ST3GAL4: variants seen among roughly 807,000 people sequenced by gnomAD.
ST3GAL4 encodes the protein ST3 beta-galactoside alpha-2,3-sialyltransferase 4.
A neutral mutation model predicts 42.6 loss-of-function variants in ST3GAL4; 24 were observed. That is an observed-to-expected ratio of 0.56 (90% CI 0.41 to 0.79). ST3GAL4 has a LOEUF of 0.79. ST3GAL4 is among the 30% of genes least tolerant of loss of function. The probability of loss-of-function intolerance (pLI) is 0.00; values close to 1 mark genes in which losing one functional copy is unlikely to be tolerated. For missense variants in ST3GAL4, 311 were observed against 430.8 expected (o/e 0.72, Z 2.46); for synonymous variants, 135 against 163.2 (o/e 0.83, Z 1.32).
intron 1 of ST3GAL4, among the ~76,000 whole-genome samples, chr11:126,404,385 A>G (rs557141169): frequency 4.3e-4 from 66 of 152,186 alleles, no homozygotes; most frequent in Non-Finnish European, 7.2e-4. Flanking sequence ...GATGTACTCT[A>G]CTGTGTGCCA....
chr11:126,407,682 G>A, intron 6 of ST3GAL4, 48 bp downstream of exon 6: 1 of 1,591,646 alleles, frequency 6.3e-7, no homozygotes. Flanking sequence ...CCTATTTCCT[G>A]CCCCCTGCCC....
At chr11:126,358,988 G>C (rs1952162307) in intron 1 of ST3GAL4, among the ~76,000 whole-genome samples, 1 of 152,200 alleles carries the variant, frequency 6.6e-6, no homozygotes, top group South Asian at 2.1e-4. Context: ...CAGAAGCCCA[G>C]AAGCACCTGA....
chr11:126,379,061 C>T lies in ST3GAL4; in HGVS notation c.-61+23219C>T, dbSNP rs919074621. Among the ~76,000 whole-genome samples the T allele has an allele frequency of 5.3e-5, 8 of 152,230 alleles. No homozygotes were observed. The highest frequency in any genetic ancestry group is 1.7e-4 in the African/African-American group (7 of 41,466). Reference sequence around the variant, plus strand: ...CCTCTGTTGCTTCTTCCAAGAGCTACACTGGTTGATCATAAATATCAGCCA... The same window carrying T: ...CCTCTGTTGCTTCTTCCAAGAGCTATACTGGTTGATCATAAATATCAGCCA... On this transcript the variant is annotated intron_variant, in intron 1 of 10. Coordinates refer to ENST00000444328, the MANE Select transcript of ST3GAL4 (RefSeq NM_001254757.2). This position sits in a 1 kb window ranked among gnomAD's most constrained non-coding sequence, Gnocchi z 4.2.
chr11:126,370,548 C>T (rs1187526374), intron 1 of ST3GAL4, among the ~76,000 whole-genome samples: 1 of 152,154 alleles, frequency 6.6e-6, no homozygotes, highest in Non-Finnish European at 1.5e-5. Context: ...TGCAAATGCA[C>T]TTCTTAGTTT....
rs1253769158 is a variant in ST3GAL4, at chr11:126,410,825, A to G, written c.771+1414A>G. Among the ~76,000 whole-genome samples the G allele has an allele frequency of 6.6e-6, 1 of 152,166 alleles. No individual in the cohort carries two copies. The highest frequency in any genetic ancestry group is 2.4e-5 in the African/African-American group (1 of 41,450). Reference sequence around the variant, plus strand: ...ATTCCACAATGGAGAGTTGTTCCCAATGCCGTGGAATCTCAGAGGAGGGGC... The same window carrying G: ...ATTCCACAATGGAGAGTTGTTCCCAGTGCCGTGGAATCTCAGAGGAGGGGC... On this transcript the variant is annotated intron_variant, in intron 9 of 10. Coordinates refer to ENST00000444328, the MANE Select transcript of ST3GAL4 (RefSeq NM_001254757.2). The surrounding 1 kb of genome is among the most constrained non-coding windows in gnomAD (Gnocchi z 5.3).
chr11:126,412,222 C>T (rs1231888988), intron 9 of ST3GAL4, among the ~76,000 whole-genome samples: 1 of 152,084 alleles, frequency 6.6e-6, no homozygotes, highest in Non-Finnish European at 1.5e-5. Context: ...AAGTGTGGCT[C>T]AGCCCAGCTG....
At chr11:126,369,429 G>A (rs1395133440) in intron 1 of ST3GAL4, among the ~76,000 whole-genome samples, 1 of 152,140 alleles carries the variant, frequency 6.6e-6, no homozygotes, top group Non-Finnish European at 1.5e-5. Context: ...TGTATTTTTA[G>A]TAAAGATAGG....
chr11:126,402,451 GAAAAAAAAAAA>G (rs575036017), intron 1 of ST3GAL4, among the ~76,000 whole-genome samples: 2 of 100,990 alleles, frequency 2.0e-5, no homozygotes, highest in Admixed American at 2.2e-4. Flanking sequence ...AAGACTGTCT[GAAAAAAAAAAA>G]AAAAAAAGAA....
chr11:126,406,975 C>T lies in ST3GAL4; in HGVS notation c.134C>T (p.Pro45Leu), dbSNP rs144143100. ...TTTCCCATCCCAGAGAAGAAGGAGCCGTGCCTCCAGGGTGAGGCAGAGAGC... is the reference window on the plus strand; with the variant it reads ...TTTCCCATCCCAGAGAAGAAGGAGCTGTGCCTCCAGGGTGAGGCAGAGAGC... ...FYFPIPEKKE[P>L]CLQGEAESKA... The change falls in exon 4 of 11, where the codon CCG becomes CTG. Residue 45 changes from proline to leucine, a missense_variant. Transcript: ENST00000444328. This position sits in a 1 kb window ranked among gnomAD's most constrained non-coding sequence, Gnocchi z 5.4. 6.2e-4 allele frequency: 1,003 copies of T among 1,613,912 alleles called. 1 individual carries two copies. Among genetic ancestry groups the T allele is most frequent in the Non-Finnish European group, 7.7e-4 (913 of 1,180,006 alleles).
chr11:126,365,973 C>A (rs1952410141), intron 1 of ST3GAL4, among the ~76,000 whole-genome samples: 1 of 152,174 alleles, frequency 6.6e-6, no homozygotes, highest in African/African-American at 2.4e-5. Context: ...CTGTGGGGCT[C>A]ATAGGCGTGG....
rs779296843 is a variant in ST3GAL4 at position 126,408,157 on chromosome 11, C to A, written c.400C>A (p.Leu134Met). Reference sequence around the variant, plus strand: ...CGGGCACCGGCTGCGGAACAGCTCACTGGGAGATGCCATCAACAAGTACGA... The same window carrying A: ...CGGGCACCGGCTGCGGAACAGCTCAATGGGAGATGCCATCAACAAGTACGA... ...GNGHRLRNSS[L>M]GDAINKYDVV... Residue 134 changes from leucine to methionine, a missense_variant, in exon 7 of 11, where the codon CTG becomes ATG. Coordinates refer to ENST00000444328, the MANE Select transcript of ST3GAL4 (RefSeq NM_001254757.2). 1.2e-6 allele frequency: 2 copies of A among 1,614,188 alleles called. No individual in the cohort carries two copies. The highest frequency in any genetic ancestry group is 3.3e-5 in the Admixed American group (2 of 60,020).
In ST3GAL4 at chr11:126,391,957, GTGTGTGTGTGTGTGTA is replaced by G. The variant is rs1008523618; in HGVS notation, c.-60-14129_-60-14114del. Among the ~76,000 whole-genome samples, 16 of 139,352 alleles carry G rather than the reference GTGTGTGTGTGTGTGTA, an allele frequency of 1.1e-4. No individual in the cohort carries two copies. The highest frequency in any genetic ancestry group is 3.1e-4 in the African/African-American group (11 of 35,764). 91.4% of individuals were successfully genotyped at this position (139,352 alleles called of 152,430 possible). The stretch of plus-strand genomic sequence containing the variant: ...TGGTCGTGTGTGTGTGTGTGTGTGT[GTGTGTGTGTGTGTGTA>G]TGTGTGTGTATGTGTATATATAAAA... On this transcript the variant is annotated intron_variant, in intron 1 of 10. Coordinates refer to ENST00000444328, the MANE Select transcript of ST3GAL4 (RefSeq NM_001254757.2). This position sits in a 1 kb window ranked among gnomAD's most constrained non-coding sequence, Gnocchi z 5.5.
intron 1 of ST3GAL4, among the ~76,000 whole-genome samples, chr11:126,367,084 C>T (rs150213802): frequency 6.6e-4 from 100 of 152,214 alleles, no homozygotes; most frequent in African/African-American, 2.3e-3. Context: ...GATGGAGCAC[C>T]GCTCATGACA....
chr11:126,371,918 A>G lies in ST3GAL4; in HGVS notation c.-61+16076A>G, dbSNP rs557861508. On this transcript the variant is annotated intron_variant, in intron 1 of 10. Coordinates refer to ENST00000444328, the MANE Select transcript of ST3GAL4 (RefSeq NM_001254757.2). ...TGTGTGAGAAACTATATTTGGTTTT[A>G]ATCTGTATTCCCTGGTTACTAGTGA... Among the ~76,000 whole-genome samples the G allele has an allele frequency of 2.7e-4, 41 of 152,302 alleles. No individual in the cohort carries two copies. In the South Asian group the frequency reaches 6.2e-3, roughly 23 times the overall value.
In ST3GAL4 at chr11:126,384,916, G is replaced by A. The variant is rs1953163468; in HGVS notation, c.-60-21180G>A. On this transcript the variant is annotated intron_variant, in intron 1 of 10. Coordinates refer to ENST00000444328, the MANE Select transcript of ST3GAL4 (RefSeq NM_001254757.2). This position sits in a 1 kb window ranked among gnomAD's most constrained non-coding sequence, Gnocchi z 5.5. ...CCTCTCTTTGCTGGGCTGGGACAGA[G>A]CTTGAATGGAGAGGGGCCGCCTTGT... The A allele has an allele frequency of 3.0e-6, 3 of 985,384 alleles. No homozygotes were observed. The highest frequency in any genetic ancestry group is 3.6e-6 in the Non-Finnish European group (3 of 829,910). The allele number at this position is 985,384 out of a possible 1,614,324, so 61.0% of individuals were successfully genotyped here. A position where few individuals can be genotyped will look rare whatever the true frequency, so the allele number is the denominator to read the frequency against.
chr11:126,386,970 G>T lies in ST3GAL4; in HGVS notation c.-60-19126G>T, dbSNP rs917511899. On this transcript the variant is annotated intron_variant, in intron 1 of 10. Transcript: ENST00000444328. The surrounding 1 kb of genome is among the most constrained non-coding windows in gnomAD (Gnocchi z 4.7). Reference sequence around the variant, plus strand: ...TTTGGCAAGTAGGAGGAGGGCTGGAGCCCAGCCTCACTTGCTGCCCTGGCC... The same window carrying T: ...TTTGGCAAGTAGGAGGAGGGCTGGATCCCAGCCTCACTTGCTGCCCTGGCC... Among the ~76,000 whole-genome samples, 5 of 152,180 alleles carry T rather than the reference G, an allele frequency of 3.3e-5. No homozygotes were observed. Among genetic ancestry groups the T allele is most frequent in the African/African-American group, 1.2e-4 (5 of 41,450 alleles).
At chr11:126,405,096 C>T (rs1954166468) in intron 1 of ST3GAL4, among the ~76,000 whole-genome samples, 1 of 152,222 alleles carries the variant, frequency 6.6e-6, no homozygotes, top group Admixed American at 6.5e-5. Context: ...GGTCTGGTCT[C>T]CAGGGAAGGG....
chr11:126,363,297 C>G lies in ST3GAL4; in HGVS notation c.-61+7455C>G, dbSNP rs977945971. On this transcript the variant is annotated intron_variant, in intron 1 of 10. Coordinates refer to ENST00000444328, the MANE Select transcript of ST3GAL4 (RefSeq NM_001254757.2). The surrounding 1 kb of genome is among the most constrained non-coding windows in gnomAD (Gnocchi z 4.6). The stretch of plus-strand genomic sequence containing the variant: ...TTTCTCACCATCTTCAGTGATCCCT[C>G]CTCCTTCCTTTCTGCCTCCTCTGCA... Among the ~76,000 whole-genome samples, 4 of 152,226 alleles carry G rather than the reference C, an allele frequency of 2.6e-5. No homozygotes were observed. The highest frequency in any genetic ancestry group is 4.8e-5 in the African/African-American group (2 of 41,452).
intron 1 of ST3GAL4, among the ~76,000 whole-genome samples, chr11:126,369,711 C>G (rs1335256530): frequency 6.6e-6 from 1 of 151,984 alleles, no homozygotes; most frequent in East Asian, 1.9e-4. Flanking sequence ...TTATTTTAAT[C>G]AAATTATTAC....
Sources: gnomAD v4.1 joint callset for allele counts (sites outside exome capture counted in the v4.1 genomes callset) on GRCh38, gnomAD v4.1.1 for gene constraint, Gnocchi (gnomAD v3.1) non-coding constraint, MANE v1.5 for transcripts, NCBI Gene and HGNC (gene_info 2026-07-23, HGNC 2026-07-21) for gene names.